LSP1: variants seen among roughly 807,000 people sequenced by gnomAD.
LSP1 encodes the protein lymphocyte-specific protein 1.
In LSP1, 32 loss-of-function variants were observed where a neutral mutation model predicts 49.3. That is an observed-to-expected ratio of 0.65 (90% CI 0.49 to 0.87). LSP1 has a LOEUF of 0.87. Among genes scored for constraint, LSP1 ranks in the 40% least tolerant of loss-of-function variants. The probability of loss-of-function intolerance (pLI) is 0.00; values close to 1 mark genes in which losing one functional copy is unlikely to be tolerated. For missense variants in LSP1, 428 were observed against 442.6 expected (o/e 0.97, Z 0.30); for synonymous variants, 179 against 178.8 (o/e 1.00, Z -0.01).
rs975042721 is a variant in LSP1, at chr11:1,869,092, G to A, written c.54-10995G>A. ...CCCTTGGGTGACCCCTGGATGGGGC[G>A]GGGACCATTAGGGAGAAGGGTGAGG... is the stretch of plus-strand genomic sequence containing the variant. On this transcript the variant is annotated intron_variant, in intron 1 of 10. Coordinates refer to ENST00000311604, the MANE Select transcript of LSP1 (RefSeq NM_002339.3). The A allele has an allele frequency of 9.8e-6, 8 of 814,974 alleles. No homozygotes were observed. In the Admixed American group the frequency reaches 3.9e-4, roughly 40 times the overall value. The allele number at this position is 814,974 out of a possible 1,614,324, so 50.5% of individuals were successfully genotyped here.
chr11:1,865,645 C>T (rs1847766350), intron 1 of LSP1, among the ~76,000 whole-genome samples: 1 of 148,558 alleles, frequency 6.7e-6, no homozygotes, highest in Non-Finnish European at 1.5e-5. Context: ...ACCGACTGCA[C>T]TGTCACCCGC....
intron 1 of LSP1, chr11:1,871,361 C>G (rs1272746723): frequency 3.0e-6 from 3 of 986,054 alleles, no homozygotes; most frequent in African/African-American, 1.7e-5. Context: ...AGCTGCAGAG[C>G]GGGACAAGGG....
At chr11:1,860,059 T>C (rs747618653) in intron 1 of LSP1, among the ~76,000 whole-genome samples, 2 of 152,188 alleles carry the variant, frequency 1.3e-5, no homozygotes, top group Non-Finnish European at 2.9e-5. Flanking sequence ...AGCCCCTGCT[T>C]AGGCTCTATT....
chr11:1,870,437 G>A (rs1847950277), intron 1 of LSP1: 2 of 1,207,414 alleles, frequency 1.7e-6, no homozygotes, highest in Admixed American at 6.6e-5. Flanking sequence ...GGGATGATGA[G>A]TCTGGGAGGG....
chr11:1,860,850 A>G (rs1022527226), intron 1 of LSP1, among the ~76,000 whole-genome samples: 1 of 20,308 alleles, frequency 4.9e-5, no homozygotes, highest in Non-Finnish European at 1.0e-4. Context: ...GGAATTATGT[A>G]TGGGTGGATG....
intron 1 of LSP1, chr11:1,865,308 GC>G: frequency 1.1e-6 from 1 of 923,194 alleles, no homozygotes; most frequent in Non-Finnish European, 1.3e-6. Context: ...AGGGCAGGGT[GC>G]CCATGCTGGG....
At position 1,865,347 on chromosome 11, in the gene LSP1, TC is replaced by T. The variant is rs566007867; in HGVS notation, c.53+12156del. On this transcript the variant is annotated intron_variant, in intron 1 of 10. Transcript: ENST00000311604. Reference sequence around the variant, plus strand: ...GCCACATGCACCGGGCCACTGGGCCTCCCCCCAGCTTCGGTAGGCTCTGCTG... The same window carrying T: ...GCCACATGCACCGGGCCACTGGGCCTCCCCCAGCTTCGGTAGGCTCTGCTG... 8.1e-5 allele frequency: 47 copies of T among 581,886 alleles called. No homozygotes were observed. The South Asian group carries it at 2.8e-3, about 34-fold the overall frequency. 36.0% of individuals were successfully genotyped at this position (581,886 alleles called of 1,614,324 possible). A position where few individuals can be genotyped will look rare whatever the true frequency, so the allele number is the denominator to read the frequency against.
intron 1 of LSP1, among the ~76,000 whole-genome samples, chr11:1,872,330 G>A (rs1416062601): frequency 2.9e-5 from 4 of 137,638 alleles, no homozygotes; most frequent in Non-Finnish European, 6.2e-5. Flanking sequence ...GGCCTGGGCT[G>A]TAGTCACCCC....
chr11:1,883,614 T>C, intron 4 of LSP1, 54 bp downstream of exon 4: 1 of 1,547,824 alleles, frequency 6.5e-7, no homozygotes, highest in Non-Finnish European at 8.7e-7. Context: ...GGGATGAGTC[T>C]GCCTTGGCTG....
chr11:1,882,571 C>G (rs1468373931), intron 3 of LSP1, among the ~76,000 whole-genome samples: 1 of 152,144 alleles, frequency 6.6e-6, no homozygotes, highest in Admixed American at 6.5e-5. Flanking sequence ...TGGGGCAGCT[C>G]CCTTCTCCCT....
chr11:1,866,779 C>T, intron 1 of LSP1: 1 of 1,550,472 alleles, frequency 6.4e-7, no homozygotes, highest in Admixed American at 2.0e-5. Flanking sequence ...ACAAATGGGC[C>T]CAAGAGAAGG....
At chr11:1,856,517 C>T (rs1490072784) in intron 1 of LSP1, among the ~76,000 whole-genome samples, 1 of 152,256 alleles carries the variant, frequency 6.6e-6, no homozygotes, top group African/African-American at 2.4e-5. Flanking sequence ...AGGGCCAGTC[C>T]TGGAGCCCCG....
intron 1 of LSP1, among the ~76,000 whole-genome samples, chr11:1,858,967 T>C (rs2133057266): frequency 6.6e-6 from 1 of 152,332 alleles, no homozygotes; most frequent in Admixed American, 6.5e-5. Context: ...CTCCATCTGC[T>C]AACTGCCTCC....
At position 1,884,662 on chromosome 11, in the gene LSP1, C is replaced by A; in HGVS notation, c.717+81C>A. 2.5e-6 allele frequency: 3 copies of A among 1,194,764 alleles called. No homozygotes were observed. Among genetic ancestry groups the A allele is most frequent in the South Asian group, 1.3e-5 (1 of 78,244 alleles). 74.0% of individuals were successfully genotyped at this position (1,194,764 alleles called of 1,614,324 possible). A position where few individuals can be genotyped will look rare whatever the true frequency, so the allele number is the denominator to read the frequency against. ...TTCATCCAACCAACGCCCTTCCATC[C>A]AATCAGTGCCGCCTTATTCAACCAA... On this transcript the variant is annotated intron_variant, in intron 7 of 10. Transcript: ENST00000311604. The surrounding 1 kb of genome is among the most constrained non-coding windows in gnomAD (Gnocchi z 4.1).
chr11:1,867,523 G>A (rs879556700), intron 1 of LSP1, among the ~76,000 whole-genome samples: 1 of 152,132 alleles, frequency 6.6e-6, no homozygotes, highest in Non-Finnish European at 1.5e-5. Context: ...AGTGAGCCAG[G>A]CTCAGAGAAG....
intron 1 of LSP1, among the ~76,000 whole-genome samples, chr11:1,862,586 G>A (rs1847670636): frequency 6.6e-6 from 1 of 152,056 alleles, no homozygotes; most frequent in Non-Finnish European, 1.5e-5. Flanking sequence ...CCCCACCCCA[G>A]GTAATCTCAC....
At chr11:1,886,602 TG>T in intron 7 of LSP1, 129 bp from the exon 8 acceptor site, 1 of 1,042,552 alleles carries the variant, frequency 9.6e-7, no homozygotes, top group Non-Finnish European at 1.4e-6. Flanking sequence ...ATCCCCACTC[TG>T]GGGCTGCATT....
intron 1 of LSP1, chr11:1,866,845 C>A: frequency 6.5e-7 from 1 of 1,547,264 alleles, no homozygotes; most frequent in East Asian, 2.4e-5. Flanking sequence ...GGTGGCTCAC[C>A]CCCTTGTCAC....
intron 1 of LSP1, 123 bp downstream of exon 1, chr11:1,853,320 C>T: frequency 1.0e-6 from 1 of 1,003,480 alleles, no homozygotes; most frequent in Non-Finnish European, 1.4e-6. Context: ...AATGGGAGAA[C>T]TTGGATGTCC....
Sources: gnomAD v4.1 joint callset for allele counts (sites outside exome capture counted in the v4.1 genomes callset) on GRCh38, gnomAD v4.1.1 for gene constraint, Gnocchi (gnomAD v3.1) non-coding constraint, MANE v1.5 for transcripts, NCBI Gene and HGNC (gene_info 2026-07-23, HGNC 2026-07-21) for gene names.